Variants in PDSS2 observed in about 807,000 individuals in gnomAD.
PDSS2 encodes the protein decaprenyl diphosphate synthase subunit 2.
In PDSS2, 31 loss-of-function variants were observed where a neutral mutation model predicts 44.5. The ratio of observed to expected loss-of-function variants is 0.70; its 90% CI spans 0.52 to 0.94. The LOEUF (loss-of-function observed/expected upper bound fraction) is 0.94, where lower values mean the gene tolerates loss of function less well. PDSS2 is among the 40% of genes least tolerant of loss of function. PDSS2 has a pLI of 0.00. For synonymous variants in PDSS2, 157 were observed against 180.3 expected (o/e 0.87, Z 1.03); for missense variants, 452 against 482.2 (o/e 0.94, Z 0.59).
chr6:107,284,657 G>A (rs1243938582), intron 2 of PDSS2, among the ~76,000 whole-genome samples: 4 of 102,490 alleles, frequency 3.9e-5, no homozygotes, highest in Admixed American at 1.1e-4. Context: ...GAAAGACTTC[G>A]TCTCCAAAAA....
At chr6:107,375,343 T>C (rs978844222) in intron 1 of PDSS2, among the ~76,000 whole-genome samples, 4 of 152,044 alleles carry the variant, frequency 2.6e-5, no homozygotes, top group Non-Finnish European at 5.9e-5. Context: ...AAAATGATTA[T>C]GAAATAAAGA....
chr6:107,275,358 C>T (rs889437866), intron 2 of PDSS2, among the ~76,000 whole-genome samples: 2 of 151,908 alleles, frequency 1.3e-5, no homozygotes, highest in African/African-American at 4.8e-5. Flanking sequence ...ATGATTTTCC[C>T]AAGAGTACAC....
At chr6:107,201,318 C>T (rs1772762253) in intron 6 of PDSS2, among the ~76,000 whole-genome samples, 1 of 144,008 alleles carries the variant, frequency 6.9e-6, no homozygotes, top group Non-Finnish European at 1.5e-5. Flanking sequence ...GATAGTGTGC[C>T]TGTGCTCATG....
chr6:107,320,651 A>T (rs1777352003), intron 2 of PDSS2, among the ~76,000 whole-genome samples: 2 of 152,234 alleles, frequency 1.3e-5, no homozygotes, highest in Non-Finnish European at 2.9e-5. Context: ...ATGCAGTAAT[A>T]GAGATAATGG....
intron 2 of PDSS2, among the ~76,000 whole-genome samples, chr6:107,275,972 T>C (rs1023440049): frequency 1.3e-5 from 2 of 150,774 alleles, no homozygotes; most frequent in Non-Finnish European, 3.0e-5. Flanking sequence ...AAATAAAAAT[T>C]AGCTTGGTGA....
intron 4 of PDSS2, among the ~76,000 whole-genome samples, chr6:107,218,653 T>C (rs1279949129): frequency 1.3e-5 from 2 of 152,194 alleles, no homozygotes; most frequent in African/African-American, 4.8e-5. Flanking sequence ...TATAGTATCT[T>C]AGGTGGGCAA....
intron 1 of PDSS2, among the ~76,000 whole-genome samples, chr6:107,411,731 A>G (rs999715258): frequency 6.6e-6 from 1 of 152,198 alleles, no homozygotes; most frequent in Non-Finnish European, 1.5e-5. Flanking sequence ...AATTTCAAGT[A>G]CACAGGAGGA....
intron 7 of PDSS2, among the ~76,000 whole-genome samples, chr6:107,185,051 T>C (rs1772115652): frequency 7.0e-6 from 1 of 143,286 alleles, no homozygotes; most frequent in Admixed American, 7.3e-5. Flanking sequence ...GATGGGAGGA[T>C]CTCTTGAGCC....
chr6:107,408,266 G>T lies in PDSS2; in HGVS notation c.296+50724C>A, dbSNP rs117007601. 7.9e-3 allele frequency among the ~76,000 whole-genome samples: 1,210 copies of T among 152,234 alleles called. 49 individuals carry two copies. The East Asian group carries it at 0.12, about 15-fold the overall frequency. On this transcript the variant is annotated intron_variant, in intron 1 of 7. Transcript: ENST00000369037. The stretch of plus-strand genomic sequence containing the variant: ...GCTGGTCTTGAACGCCTGACCCCAA[G>T]CTTCCCAAAGTGCTGGGATTACAGG...
intron 1 of PDSS2, among the ~76,000 whole-genome samples, chr6:107,362,241 C>G (rs1036845540): frequency 6.6e-6 from 1 of 152,032 alleles, no homozygotes; most frequent in African/African-American, 2.4e-5. Flanking sequence ...CAGGCATGTG[C>G]AGGTGGGACA....
In PDSS2 at chr6:107,344,032, T is replaced by C. The variant is rs1282320787; in HGVS notation, c.297-9700A>G. On this transcript the variant is annotated intron_variant, in intron 1 of 7. Coordinates refer to ENST00000369037, the MANE Select transcript of PDSS2 (RefSeq NM_020381.4). ...AGAAGACAAATGACTTAGTATATTA[T>C]AGTTGTGTTTCTAACTTGAAGAAAA... Among the ~76,000 whole-genome samples, 7 of 152,284 alleles carry C rather than the reference T, an allele frequency of 4.6e-5. No individual in the cohort carries two copies. In the East Asian group the frequency reaches 1.4e-3, roughly 29 times the overall value.
chr6:107,405,087 G>A (rs1311723572), intron 1 of PDSS2, among the ~76,000 whole-genome samples: 1 of 151,846 alleles, frequency 6.6e-6, no homozygotes, highest in African/African-American at 2.4e-5. Flanking sequence ...GCAAACTTCT[G>A]AGCAGAAACC....
At chr6:107,275,997 G>A (rs928616795) in intron 2 of PDSS2, among the ~76,000 whole-genome samples, 6 of 151,628 alleles carry the variant, frequency 4.0e-5, no homozygotes, top group African/African-American at 1.2e-4. Context: ...GTGCACGCCT[G>A]TAGTCCCAGT....
intron 1 of PDSS2, among the ~76,000 whole-genome samples, chr6:107,450,013 A>G (rs1205827402): frequency 1.3e-5 from 2 of 152,238 alleles, no homozygotes; most frequent in Non-Finnish European, 2.9e-5. Context: ...GGGTATACAA[A>G]TATCTCTTTG....
In PDSS2 at chr6:107,408,541, G is replaced by A. The variant is rs141825499; in HGVS notation, c.296+50449C>T. Among the ~76,000 whole-genome samples the A allele has an allele frequency of 4.5e-3, 687 of 152,238 alleles. 7 individuals are homozygous for A. The highest frequency in any genetic ancestry group is 7.4e-3 in the Non-Finnish European group (504 of 68,024). On this transcript the variant is annotated intron_variant, in intron 1 of 7. Coordinates refer to ENST00000369037, the MANE Select transcript of PDSS2 (RefSeq NM_020381.4). ...CTCTTAACCTGGTAGTGTCCTACCC[G>A]TCTATGCCAGGGGTAACAATCTCAA...
At chr6:107,385,301 C>A (rs554279692) in intron 1 of PDSS2, among the ~76,000 whole-genome samples, 1 of 151,908 alleles carries the variant, frequency 6.6e-6, no homozygotes, top group African/African-American at 2.4e-5. Flanking sequence ...GAGTTTGAAT[C>A]CAGCCTGTGA....
intron 1 of PDSS2, among the ~76,000 whole-genome samples, chr6:107,387,148 A>T (rs1211808363): frequency 1.3e-5 from 2 of 152,184 alleles, no homozygotes; most frequent in African/African-American, 4.8e-5. Flanking sequence ...GGGTCTGACT[A>T]CTTAGACCTT....
At chr6:107,425,722 G>C (rs990131768) in intron 1 of PDSS2, among the ~76,000 whole-genome samples, 7 of 152,168 alleles carry the variant, frequency 4.6e-5, no homozygotes, top group African/African-American at 1.7e-4. Context: ...AGCACTTTGG[G>C]AGGCCGAGGT....
At chr6:107,167,272 G>T (rs1473492754) in intron 7 of PDSS2, among the ~76,000 whole-genome samples, 1 of 152,148 alleles carries the variant, frequency 6.6e-6, no homozygotes, top group Admixed American at 6.6e-5. Flanking sequence ...GCATAGAGGT[G>T]TTTATAGTAT....
Sources: allele counts gnomAD v4.1 joint callset (sites outside exome capture counted in the v4.1 genomes callset), GRCh38; gene constraint gnomAD v4.1.1; transcripts MANE v1.5; gene names NCBI Gene and HGNC (gene_info 2026-07-23, HGNC 2026-07-21).